SLCO5A1: variants seen among roughly 807,000 people sequenced by gnomAD.
SLCO5A1 encodes organic anion transporter polypeptide-related protein 4.
In SLCO5A1, 39 loss-of-function variants were observed where a neutral mutation model predicts 65.1. That is an observed-to-expected ratio of 0.60 (90% CI 0.46 to 0.78). SLCO5A1 has a LOEUF of 0.78. SLCO5A1 is among the 30% of genes least tolerant of loss of function. SLCO5A1 has a pLI of 0.00. For missense variants in SLCO5A1, 1,029 were observed against 1,069.4 expected, an observed-to-expected ratio of 0.96 and a Z score of 0.53; for synonymous variants, 438 against 415.7, an observed-to-expected ratio of 1.05 and a Z score of -0.65.
At chr8:69,803,141 C>T (rs761204170) in intron 2 of SLCO5A1, among the ~76,000 whole-genome samples, 3 of 152,104 alleles carry the variant, frequency 2.0e-5, no homozygotes, top group South Asian at 2.1e-4. Context: ...ATTGGCCAGG[C>T]GCAGTAGCTC....
intron 4 of SLCO5A1, among the ~76,000 whole-genome samples, chr8:69,744,034 G>T (rs2130848867): frequency 6.6e-6 from 1 of 152,234 alleles, no homozygotes; most frequent in Middle Eastern, 3.4e-3. Context: ...GGGCCCAGCT[G>T]CTGGGGCTTC....
At chr8:69,769,025 G>T (rs899933426) in intron 2 of SLCO5A1, among the ~76,000 whole-genome samples, 1 of 152,080 alleles carries the variant, frequency 6.6e-6, no homozygotes, top group Non-Finnish European at 1.5e-5. Context: ...CATCCCTTCA[G>T]GCTTGACCTA....
intron 2 of SLCO5A1, among the ~76,000 whole-genome samples, chr8:69,815,806 C>G (rs1024305109): frequency 3.3e-5 from 5 of 152,012 alleles, no homozygotes; most frequent in South Asian, 2.1e-4. Flanking sequence ...ACTAAAGAAA[C>G]CATGAAAGCC....
At chr8:69,673,772 G>A (rs1442051054) in intron 9 of SLCO5A1, among the ~76,000 whole-genome samples, 1 of 152,192 alleles carries the variant, frequency 6.6e-6, no homozygotes, top group Non-Finnish European at 1.5e-5. Flanking sequence ...CTTAGTTCTT[G>A]TGGGTTGGGC....
rs1184912458 is a variant in SLCO5A1 at position 69,669,184 on chromosome 8, C to T, written c.*3685G>A. ...TATGACAAATAACTTTAATATAACA[C>T]TTAGCTAAATAAATGTAAATTTACC... On this transcript the variant is annotated 3_prime_UTR_variant, in exon 10 of 10. Coordinates refer to ENST00000260126, the MANE Select transcript of SLCO5A1 (RefSeq NM_030958.3). 6.6e-6 allele frequency: 1 copy of T among 152,100 alleles called. No homozygotes were observed. The highest frequency in any genetic ancestry group is 1.5e-5 in the Non-Finnish European group (1 of 68,020). 9.4% of individuals were successfully genotyped at this position (152,100 alleles called of 1,614,324 possible).
At chr8:69,674,277 T>TA (rs1304492860) in intron 9 of SLCO5A1, among the ~76,000 whole-genome samples, 1 of 151,516 alleles carries the variant, frequency 6.6e-6, no homozygotes, top group Non-Finnish European at 1.5e-5. Context: ...AAGACCTCAA[T>TA]AAAAATTTAT....
At chr8:69,722,813 T>C (rs1412305400) in intron 5 of SLCO5A1, among the ~76,000 whole-genome samples, 1 of 125,098 alleles carries the variant, frequency 8.0e-6, no homozygotes, top group Non-Finnish European at 1.7e-5. Context: ...GTGTGAATAT[T>C]TGTGTGTATG....
intron 5 of SLCO5A1, among the ~76,000 whole-genome samples, chr8:69,708,289 T>C (rs1420519368): frequency 6.6e-6 from 1 of 152,224 alleles, no homozygotes; most frequent in Non-Finnish European, 1.5e-5. Context: ...TAACTCAGAC[T>C]TCTTTGCCTC....
At chr8:69,727,865 C>G (rs1175195204) in intron 5 of SLCO5A1, among the ~76,000 whole-genome samples, 1 of 152,238 alleles carries the variant, frequency 6.6e-6, no homozygotes, top group African/African-American at 2.4e-5. Flanking sequence ...TTCACAGTCT[C>G]TCAGTCTCTT....
chr8:69,756,819 T>C (rs1817559875), intron 3 of SLCO5A1, among the ~76,000 whole-genome samples: 1 of 152,234 alleles, frequency 6.6e-6, no homozygotes, highest in African/African-American at 2.4e-5. Context: ...TGATGCCCCG[T>C]GGGGCAATTT....
At chr8:69,725,125 A>G (rs1816003262) in intron 5 of SLCO5A1, among the ~76,000 whole-genome samples, 1 of 152,174 alleles carries the variant, frequency 6.6e-6, no homozygotes, top group Non-Finnish European at 1.5e-5. Context: ...CAGTTATAGC[A>G]TTTCACAGCC....
At chr8:69,833,545 C>G (rs1821278047) in intron 1 of SLCO5A1, 2 of 152,236 alleles carry the variant, frequency 1.3e-5, no homozygotes, top group African/African-American at 4.8e-5. Flanking sequence ...CTCCATTACT[C>G]AAAATAGAAA....
chr8:69,779,167 T>C (rs1818700429), intron 2 of SLCO5A1, among the ~76,000 whole-genome samples: 1 of 152,194 alleles, frequency 6.6e-6, no homozygotes, highest in Non-Finnish European at 1.5e-5. Flanking sequence ...GGCAGTCTTT[T>C]ATTAAGCATT....
chr8:69,825,040 C>T (rs1339805476), intron 2 of SLCO5A1, among the ~76,000 whole-genome samples: 1 of 152,116 alleles, frequency 6.6e-6, no homozygotes, highest in East Asian at 1.9e-4. Context: ...ATGATTATCT[C>T]AATAGATGCA....
intron 6 of SLCO5A1, chr8:69,700,423 A>C (rs1041483074): frequency 6.6e-6 from 1 of 152,182 alleles, no homozygotes. Context: ...GGCATGCAAA[A>C]AGTTGCCAGT....
intron 6 of SLCO5A1, among the ~76,000 whole-genome samples, chr8:69,702,132 T>G (rs1814765835): frequency 6.6e-6 from 1 of 152,254 alleles, no homozygotes; most frequent in African/African-American, 2.4e-5. Context: ...ACTTTTTAAT[T>G]CTATTTATGT....
chr8:69,709,047 T>G (rs1316756158), intron 5 of SLCO5A1, among the ~76,000 whole-genome samples: 2 of 152,190 alleles, frequency 1.3e-5, no homozygotes, highest in Non-Finnish European at 2.9e-5. Context: ...AGAGCAATTT[T>G]AAGAGTGTCA....
At chr8:69,739,418 T>G (rs10100879) in intron 4 of SLCO5A1, among the ~76,000 whole-genome samples, 18,735 of 152,100 alleles carry the variant, frequency 0.12, 2,059 homozygotes, top group African/African-American at 0.3. Flanking sequence ...ACTATTAAGG[T>G]TTTGTGTTCT....
rs183914576 is a variant in SLCO5A1 at position 69,678,498 on chromosome 8, A to C, written c.2024+880T>G. On this transcript the variant is annotated intron_variant, in intron 8 of 9. Coordinates refer to ENST00000260126, the MANE Select transcript of SLCO5A1 (RefSeq NM_030958.3). ...CACTTATGTCTTTAGATGAATGCAC[A>C]CTTACACGTAGACAGATAGCTTAGA... is the stretch of plus-strand genomic sequence containing the variant. 2.1e-3 allele frequency among the ~76,000 whole-genome samples: 321 copies of C among 152,336 alleles called. 1 individual carries two copies. The highest frequency in any genetic ancestry group is 7.2e-3 in the African/African-American group (298 of 41,568).
Sources: gnomAD v4.1 joint callset for allele counts (sites outside exome capture counted in the v4.1 genomes callset) on GRCh38, gnomAD v4.1.1 for gene constraint, MANE v1.5 for transcripts, NCBI Gene and HGNC (gene_info 2026-07-23, HGNC 2026-07-21) for gene names.